The following SLC13A4 variants were observed in gnomAD, a reference collection of about 807,000 sequenced individuals.
SLC13A4 encodes Na(+)/sulfate cotransporter SUT-1.
SLC13A4 carries 28 observed loss-of-function variants against 72.7 expected under a neutral mutation model. The ratio of observed to expected loss-of-function variants is 0.39; its 90% CI spans 0.29 to 0.53. SLC13A4 has a LOEUF of 0.53. Ranked by LOEUF, SLC13A4 falls within the 20% of genes least tolerant of loss-of-function variation. SLC13A4 has a pLI of 0.78. For synonymous variants in SLC13A4, 312 were observed against 325.5 expected, an observed-to-expected ratio of 0.96 and a Z score of 0.45; for missense variants, 653 against 788.0, an observed-to-expected ratio of 0.83 and a Z score of 2.05.
At chr7:135,701,825 G>A in intron 6 of SLC13A4, 65 bp from the exon 7 acceptor site, 1 of 1,519,130 alleles carries the variant, frequency 6.6e-7, no homozygotes, top group Non-Finnish European at 9.1e-7. Context: ...CCTCGAGAAG[G>A]ACCACCTAGT....
chr7:135,706,040 G>T, intron 4 of SLC13A4, 88 bp downstream of exon 4: 2 of 1,361,324 alleles, frequency 1.5e-6, no homozygotes, highest in Non-Finnish European at 2.0e-6. Context: ...TGGGCACAAA[G>T]TTGGGCAGTC....
chr7:135,696,109 G>T (rs931048693), intron 8 of SLC13A4, among the ~76,000 whole-genome samples: 22 of 152,132 alleles, frequency 1.4e-4, no homozygotes, highest in Admixed American at 3.3e-4. Context: ...TGGACCACGC[G>T]AGAGCTGTGG....
At chr7:135,711,386 CAGGT>C (rs1167906123) in intron 2 of SLC13A4, among the ~76,000 whole-genome samples, 1 of 152,166 alleles carries the variant, frequency 6.6e-6, no homozygotes, top group Non-Finnish European at 1.5e-5. Flanking sequence ...GCCTAAATGA[CAGGT>C]AGGCCACTTT....
intron 13 of SLC13A4, among the ~76,000 whole-genome samples, chr7:135,689,458 A>G (rs188120681): frequency 2.0e-5 from 3 of 152,316 alleles, no homozygotes; most frequent in African/African-American, 7.2e-5. Context: ...TGCTGCTTGA[A>G]TCAGAGGTGA....
chr7:135,693,498 GA>G (rs1795837761), intron 10 of SLC13A4: 1 of 152,090 alleles, frequency 6.6e-6, no homozygotes, highest in African/African-American at 2.4e-5. Flanking sequence ...TTGTATTTTT[GA>G]AATGTTCTAC....
intron 1 of SLC13A4, among the ~76,000 whole-genome samples, 154 bp from the exon 2 acceptor site, chr7:135,721,677 G>T (rs1197425253): frequency 6.6e-6 from 1 of 152,236 alleles, no homozygotes; most frequent in Non-Finnish European, 1.5e-5. Context: ...AGGCGAGCAT[G>T]GTGAATACAT....
intron 1 of SLC13A4, among the ~76,000 whole-genome samples, chr7:135,725,934 A>G (rs752367060): frequency 7.9e-5 from 12 of 152,088 alleles, no homozygotes; most frequent in Non-Finnish European, 1.2e-4. Context: ...GTGCCACCGC[A>G]CTCCGGACTG....
At chr7:135,686,982 G>A (rs185681616) in intron 13 of SLC13A4, among the ~76,000 whole-genome samples, 9 of 152,238 alleles carry the variant, frequency 5.9e-5, no homozygotes, top group South Asian at 4.1e-4. Context: ...GCTTGAACCC[G>A]GGAGGCAGAG....
rs529940903 is a variant in SLC13A4 at position 135,711,963 on chromosome 7, A to ATTTTTTT, written c.229-3720_229-3714dup. 2.8e-4 allele frequency among the ~76,000 whole-genome samples: 13 copies of ATTTTTTT among 46,902 alleles called. 3 individuals are homozygous for ATTTTTTT. The highest frequency in any genetic ancestry group is 2.0e-3 in the South Asian group (2 of 1,014). 30.8% of individuals were successfully genotyped at this position (46,902 alleles called of 152,430 possible). ...CACTACACCTGGCTAATGTTTTTGGATTTTTTTTTTTTTTTTTTTTTTTTT... is the reference window on the plus strand; with the variant it reads ...CACTACACCTGGCTAATGTTTTTGGATTTTTTTTTTTTTTTTTTTTTTTTTTTTTTTT... On this transcript the variant is annotated intron_variant, in intron 2 of 15. Coordinates refer to ENST00000682651, the MANE Select transcript of SLC13A4 (RefSeq NM_001318192.2).
At chr7:135,721,315 T>G in intron 2 of SLC13A4, 80 bp downstream of exon 2, 1 of 1,544,988 alleles carries the variant, frequency 6.5e-7, no homozygotes, top group Non-Finnish European at 8.9e-7. Context: ...AAGTGCTGGG[T>G]GAATCTCCCT....
chr7:135,694,052 T>G, intron 10 of SLC13A4, 85 bp downstream of exon 10: 1 of 816,510 alleles, frequency 1.2e-6, no homozygotes, highest in Admixed American at 2.0e-5. Flanking sequence ...TGTCAGGGAT[T>G]GTCAGGAACA....
intron 7 of SLC13A4, among the ~76,000 whole-genome samples, chr7:135,701,277 A>G (rs1796028895): frequency 6.6e-6 from 1 of 152,258 alleles, no homozygotes; most frequent in South Asian, 2.1e-4. Context: ...ACAAGCCTCA[A>G]CATTCATTCG....
At chr7:135,688,038 C>T (rs1009633488) in intron 13 of SLC13A4, among the ~76,000 whole-genome samples, 24 of 151,274 alleles carry the variant, frequency 1.6e-4, no homozygotes, top group African/African-American at 3.7e-4. Flanking sequence ...TGCAGTGGTG[C>T]GATCTCGGCT....
chr7:135,708,142 C>A lies in SLC13A4; in HGVS notation c.337G>T (p.Val113Phe). ...NLHKRIALRM[V>F]LMAGAKPGML... The stretch of plus-strand genomic sequence containing the variant: ...CCCGGCTTGGCTCCGGCCATCAAGA[C>A]CATGCGCAGAGCAATGCGCTTATGC... The change falls in exon 3 of 16, where the codon GTC (valine) becomes TTC (phenylalanine). Residue 113 changes from valine to phenylalanine, a missense_variant. Transcript: ENST00000682651. 2 of 1,614,202 alleles carry A rather than the reference C, an allele frequency of 1.2e-6. No homozygotes were observed. Among genetic ancestry groups the A allele is most frequent in the Non-Finnish European group, 1.7e-6 (2 of 1,180,022 alleles).
intron 1 of SLC13A4, 104 bp downstream of exon 1, chr7:135,727,294 C>T: frequency 1.3e-5 from 18 of 1,411,472 alleles, no homozygotes; most frequent in Non-Finnish European, 1.6e-5. Context: ...CCACCACAAG[C>T]CACTTTGAGG....
chr7:135,707,947 T>C, intron 3 of SLC13A4, 167 bp downstream of exon 3: 1 of 721,952 alleles, frequency 1.4e-6, no homozygotes, highest in Non-Finnish European at 2.3e-6. Context: ...TACTCCATGA[T>C]CACAGGCCCT....
intron 1 of SLC13A4, among the ~76,000 whole-genome samples, chr7:135,723,601 TG>T (rs1402395817): frequency 6.6e-6 from 1 of 152,234 alleles, no homozygotes; most frequent in African/African-American, 2.4e-5. Flanking sequence ...GGCTGGCTGC[TG>T]ATCAAGGAAC....
rs1795495653 is a variant in SLC13A4, at chr7:135,681,383, GGTT to G, written c.*177_*179del. ...CACTAACAGCGAAGCATGTGTTTGT[GGTT>G]GTTGGAGGATTCCTGCAGTTCACTT... is the stretch of plus-strand genomic sequence containing the variant. On this transcript the variant is annotated 3_prime_UTR_variant, in exon 16 of 16. Coordinates refer to ENST00000682651, the MANE Select transcript of SLC13A4 (RefSeq NM_001318192.2). 1 of 615,484 alleles carries G rather than the reference GGTT, an allele frequency of 1.6e-6. No homozygotes were observed. Among genetic ancestry groups the G allele is most frequent in the South Asian group, 3.4e-5 (1 of 29,772 alleles). 38.1% of individuals were successfully genotyped at this position (615,484 alleles called of 1,614,324 possible).
chr7:135,710,982 T>C (rs1480193821), intron 2 of SLC13A4, among the ~76,000 whole-genome samples: 3 of 4,096 alleles, frequency 7.3e-4, no homozygotes, highest in African/African-American at 2.8e-3. Flanking sequence ...GCGGTGATCA[T>C]GGTGGTGGGG....
Sources: allele counts gnomAD v4.1 joint callset (sites outside exome capture counted in the v4.1 genomes callset), GRCh38; gene constraint gnomAD v4.1.1; transcripts MANE v1.5; gene names NCBI Gene and HGNC (gene_info 2026-07-23, HGNC 2026-07-21).